Variants in ANKFN1 observed in about 807,000 individuals in gnomAD.
ANKFN1 encodes the protein ankyrin repeat and fibronectin type-III domain-containing protein 1.
In ANKFN1, 74 loss-of-function variants were observed where a neutral mutation model predicts 108.7. That is an observed-to-expected ratio of 0.68 (90% CI 0.56 to 0.83). ANKFN1 has a LOEUF of 0.83. Ranked by LOEUF, ANKFN1 falls within the 40% of genes least tolerant of loss-of-function variation. ANKFN1 has a pLI of 0.00. For synonymous variants in ANKFN1, 547 were observed against 516.2 expected (o/e 1.06, Z -0.81); for missense variants, 1,505 against 1,382.3 (o/e 1.09, Z -1.41).
At chr17:56,328,935 C>T (rs562226813) in intron 4 of ANKFN1, among the ~76,000 whole-genome samples, 16 of 152,202 alleles carry the variant, frequency 1.1e-4, no homozygotes, top group African/African-American at 3.1e-4. Flanking sequence ...CTGTCCAGCC[C>T]ACCCCATCCC....
intron 4 of ANKFN1, among the ~76,000 whole-genome samples, chr17:56,055,596 T>TATATATATACAC (rs768200056): frequency 7.7e-6 from 1 of 130,636 alleles, no homozygotes; most frequent in African/African-American, 3.1e-5. Flanking sequence ...TATGTATATA[T>TATATATATACAC]ACACATTTTT....
At chr17:56,271,036 G>T (rs534864446) in intron 3 of ANKFN1, among the ~76,000 whole-genome samples, 1 of 151,850 alleles carries the variant, frequency 6.6e-6, no homozygotes, top group Non-Finnish European at 1.5e-5. Flanking sequence ...TGGAGACAGG[G>T]TCTTGCTGTA....
chr17:56,453,979 G>T (rs1212775908), intron 11 of ANKFN1, among the ~76,000 whole-genome samples: 1 of 151,976 alleles, frequency 6.6e-6, no homozygotes, highest in Non-Finnish European at 1.5e-5. Context: ...GGCATCTGTT[G>T]TCTGTTATAT....
intron 4 of ANKFN1, among the ~76,000 whole-genome samples, chr17:56,341,008 A>G (rs965601387): frequency 6.6e-6 from 1 of 151,998 alleles, no homozygotes; most frequent in Non-Finnish European, 1.5e-5. Flanking sequence ...CTCCTTGTAG[A>G]GATCTTTCAC....
intron 4 of ANKFN1, among the ~76,000 whole-genome samples, chr17:56,340,237 C>A (rs2144616005): frequency 6.6e-6 from 1 of 152,228 alleles, no homozygotes; most frequent in Non-Finnish European, 1.5e-5. Context: ...CAAAAAATTT[C>A]TCTTTTTCTG....
intron 4 of ANKFN1, among the ~76,000 whole-genome samples, chr17:56,086,889 T>G (rs1905323981): frequency 1.3e-5 from 2 of 151,060 alleles, no homozygotes; most frequent in African/African-American, 2.4e-5. Context: ...AGTGCCAGAG[T>G]AGGAATTTAG....
At chr17:56,391,212 CATATATATATAT>C (rs202114506) in intron 8 of ANKFN1, among the ~76,000 whole-genome samples, 6,727 of 121,344 alleles carry the variant, frequency 0.055, 835 homozygotes, top group African/African-American at 0.26. Flanking sequence ...CCCAAGAATA[CATATATATATAT>C]ATATATATAT....
chr17:56,377,496 A>C (rs748850163), intron 8 of ANKFN1, among the ~76,000 whole-genome samples: 9 of 151,512 alleles, frequency 5.9e-5, no homozygotes, highest in Non-Finnish European at 1.3e-4. Flanking sequence ...TAGGAGATCT[A>C]CTCTCTGTTT....
At chr17:56,487,185 A>G (rs2050883069) in intron 18 of ANKFN1, among the ~76,000 whole-genome samples, 1 of 152,190 alleles carries the variant, frequency 6.6e-6, no homozygotes, top group African/African-American at 2.4e-5. Context: ...TGAATTCACC[A>G]AAAATCCACT....
rs1397825575 is a variant in ANKFN1, at chr17:56,510,588, A to G, written c.2760A>G (p.Ser920=). The G allele has an allele frequency of 3.9e-6, 6 of 1,536,038 alleles. No individual in the cohort carries two copies. The highest frequency in any genetic ancestry group is 5.2e-6 in the Non-Finnish European group (6 of 1,146,910). The part of the protein sequence containing the change: ...SPRDLDLVYL[S]SHDIAQQTLS... The stretch of plus-strand genomic sequence containing the variant: ...GAGACCTGGACCTGGTCTACCTATC[A>G]TCTCACGACATTGCGCAGCAGACCC... The change falls in exon 21 of 21, where the codon TCA becomes TCG. Residue 920 remains serine, a synonymous_variant. Transcript: ENST00000682825.
intron 4 of ANKFN1, among the ~76,000 whole-genome samples, chr17:56,122,913 C>G (rs1906708912): frequency 6.6e-6 from 1 of 152,200 alleles, no homozygotes; most frequent in Non-Finnish European, 1.5e-5. Context: ...CACCAGAACT[C>G]TGTTCCAAGT....
chr17:56,425,903 T>C (rs1345202587), intron 8 of ANKFN1, among the ~76,000 whole-genome samples: 1 of 152,196 alleles, frequency 6.6e-6, no homozygotes, highest in Non-Finnish European at 1.5e-5. Context: ...GCTTTGTTCA[T>C]ATTTACATCC....
At chr17:56,484,769 G>C (rs2050806732) in intron 18 of ANKFN1, among the ~76,000 whole-genome samples, 1 of 152,156 alleles carries the variant, frequency 6.6e-6, no homozygotes, top group Non-Finnish European at 1.5e-5. Flanking sequence ...CATTTCACTG[G>C]AGAGCTAACC....
Position 56,106,810 on chromosome 17 carries a change from G to A in ANKFN1, c.288+60485G>A, listed in dbSNP as rs151271965. On this transcript the variant is annotated intron_variant, in intron 4 of 12. Transcript: ENST00000635860. ...ATAGAAAATCCAAGGGAGGGCGCCT[G>A]AGAATGTATAAAGTGAAATGGTTAT... 2.3e-3 allele frequency among the ~76,000 whole-genome samples: 344 copies of A among 152,282 alleles called. 3 individuals carry two copies. The highest frequency in any genetic ancestry group is 7.9e-3 in the African/African-American group (328 of 41,552).
intron 4 of ANKFN1, among the ~76,000 whole-genome samples, chr17:56,067,268 C>G (rs1410354474): frequency 6.6e-6 from 1 of 152,178 alleles, no homozygotes; most frequent in Non-Finnish European, 1.5e-5. Context: ...ATCAATTTAT[C>G]CATCCGTGGA....
chr17:56,286,447 T>C (rs776097601), intron 3 of ANKFN1, among the ~76,000 whole-genome samples: 5 of 152,182 alleles, frequency 3.3e-5, no homozygotes, highest in African/African-American at 4.8e-5. Context: ...GATTCAAAGG[T>C]TGAAGATATC....
At chr17:56,410,980 A>AG (rs1336020702) in intron 8 of ANKFN1, among the ~76,000 whole-genome samples, 2 of 152,096 alleles carry the variant, frequency 1.3e-5, no homozygotes, top group Admixed American at 1.3e-4. Context: ...GATTGCTTTG[A>AG]TTATTTTGAG....
rs538957486 is a variant in ANKFN1 at position 56,105,663 on chromosome 17, A to C, written c.288+59338A>C. 3.9e-5 allele frequency among the ~76,000 whole-genome samples: 5 copies of C among 128,762 alleles called. No homozygotes were observed. In the South Asian group the frequency reaches 1.3e-3, roughly 33 times the overall value. 84.5% of individuals were successfully genotyped at this position (128,762 alleles called of 152,430 possible). On this transcript the variant is annotated intron_variant, in intron 4 of 12. Transcript: ENST00000635860. ...CCTGTCTGTCTCCTTCTTGGGGTTT[A>C]TTATTGCTTTTTTTCAGTTAATTTT...
chr17:56,150,100 T>C (rs906453121), upstream of ANKFN1, among the ~76,000 whole-genome samples: 1 of 152,202 alleles, frequency 6.6e-6, no homozygotes, highest in Non-Finnish European at 1.5e-5. Flanking sequence ...GCCTGAATTA[T>C]TGACAACAGC....
Sources: allele counts gnomAD v4.1 joint callset (sites outside exome capture counted in the v4.1 genomes callset), GRCh38; gene constraint gnomAD v4.1.1; transcripts MANE v1.5; gene names NCBI Gene and HGNC (gene_info 2026-07-23, HGNC 2026-07-21).